The following RAB28 variants were observed in gnomAD, a reference collection of about 807,000 sequenced individuals.
RAB28 encodes RAB28, member RAS oncogene family.
Under a neutral mutation model 31.7 loss-of-function variants are expected in RAB28, and 24 were observed. That is an observed-to-expected ratio of 0.76 (90% CI 0.55 to 1.06). The LOEUF is 1.06. RAB28 is among the 50% of genes least tolerant of loss of function. The probability of loss-of-function intolerance (pLI) is 0.00; values close to 1 mark genes in which losing one functional copy is unlikely to be tolerated. For synonymous variants in RAB28, 100 were observed against 90.4 expected (o/e 1.11, Z -0.60); for missense variants, 254 against 258.5 (o/e 0.98, Z 0.12).
intron 3 of RAB28, among the ~76,000 whole-genome samples, chr4:13,472,736 C>A (rs1367441613): frequency 2.0e-5 from 3 of 151,900 alleles, no homozygotes; most frequent in Non-Finnish European, 2.9e-5. Flanking sequence ...TTATCAACCA[C>A]ATGAATGAAA....
chr4:13,467,125 T>C (rs1715892051), intron 3 of RAB28, among the ~76,000 whole-genome samples: 1 of 151,914 alleles, frequency 6.6e-6, no homozygotes, highest in Admixed American at 6.6e-5. Flanking sequence ...CAGTTAATAA[T>C]TATTATGTAT....
chr4:13,474,120 TC>T (rs1204079049), intron 3 of RAB28, 197 bp downstream of exon 3: 1 of 719,828 alleles, frequency 1.4e-6, no homozygotes, highest in African/African-American at 1.7e-5. Context: ...GTTTTCCTGT[TC>T]CCTCACCCAA....
In RAB28 at chr4:13,465,754, A is replaced by AACACACACACACAC. The variant is rs33979911; in HGVS notation, c.262-4940_262-4927dup. 3.5e-3 allele frequency among the ~76,000 whole-genome samples: 495 copies of AACACACACACACAC among 142,190 alleles called. 1 individual carries two copies. Among genetic ancestry groups the AACACACACACACAC allele is most frequent in the African/African-American group, 0.012 (458 of 38,484 alleles). 93.3% of individuals were successfully genotyped at this position (142,190 alleles called of 152,430 possible). A position where few individuals can be genotyped will look rare whatever the true frequency, so the allele number is the denominator to read the frequency against. ...AGCTCAAATAACCAAGGCAATCATG[A>AACACACACACACAC]ACACACACACACACACACACACACA... is the stretch of plus-strand genomic sequence containing the variant. On this transcript the variant is annotated intron_variant, in intron 3 of 6. Coordinates refer to ENST00000330852, the MANE Select transcript of RAB28 (RefSeq NM_001017979.3).
At chr4:13,393,165 C>G (rs181657752) in intron 4 of RAB28, among the ~76,000 whole-genome samples, 1 of 152,248 alleles carries the variant, frequency 6.6e-6, no homozygotes, top group East Asian at 1.9e-4. Flanking sequence ...CAATCTATAA[C>G]AGGAGTACAG....
intron 4 of RAB28, among the ~76,000 whole-genome samples, chr4:13,396,298 C>G (rs760727353): frequency 6.6e-6 from 1 of 152,044 alleles, no homozygotes; most frequent in African/African-American, 2.4e-5. Flanking sequence ...GTCACATTAA[C>G]TACCTCCAGG....
intron 6 of RAB28, among the ~76,000 whole-genome samples, chr4:13,373,848 T>C (rs1198204846): frequency 6.6e-6 from 1 of 152,072 alleles, no homozygotes; most frequent in Non-Finnish European, 1.5e-5. Context: ...CTCTATAGAA[T>C]AATACAAAGT....
chr4:13,368,671 G>C (rs376807978), intron 6 of RAB28, 21 bp from the exon 7 acceptor site: 9 of 1,585,162 alleles, frequency 5.7e-6, no homozygotes, highest in Non-Finnish European at 6.9e-6. Context: ...AGAAAACAGA[G>C]TTATTATCAG....
At chr4:13,379,957 T>C (rs1729062794) in intron 5 of RAB28, among the ~76,000 whole-genome samples, 1 of 151,980 alleles carries the variant, frequency 6.6e-6, no homozygotes, top group African/African-American at 2.4e-5. Flanking sequence ...TGGTTCAATA[T>C]AAGCAAACAA....
Position 13,368,556 on chromosome 4 carries a change from G to A in RAB28, c.*2C>T, listed in dbSNP as rs752316819. The A allele has an allele frequency of 1.9e-5, 31 of 1,602,258 alleles. No individual in the cohort carries two copies. The highest frequency in any genetic ancestry group is 6.8e-5 in the East Asian group (3 of 43,854). On this transcript the variant is annotated 3_prime_UTR_variant, in exon 7 of 7. Transcript: ENST00000330852. ...AACTATCAACACAAAAGAAAAATGC[G>A]CTCACTGAACTGCACACATAGAGCT... is the stretch of plus-strand genomic sequence containing the variant.
At chr4:13,414,163 T>C (rs964589142) in intron 4 of RAB28, among the ~76,000 whole-genome samples, 9 of 152,216 alleles carry the variant, frequency 5.9e-5, no homozygotes, top group Non-Finnish European at 1.2e-4. Flanking sequence ...TATTTATAGT[T>C]CATCTCTGGT....
intron 4 of RAB28, among the ~76,000 whole-genome samples, chr4:13,442,398 T>C (rs1714469358): frequency 1.3e-5 from 2 of 151,878 alleles, no homozygotes; most frequent in South Asian, 4.2e-4. Flanking sequence ...GAGATAAAAA[T>C]TCATGGCAAT....
At chr4:13,397,524 T>C (rs1027234519) in intron 4 of RAB28, among the ~76,000 whole-genome samples, 3 of 152,128 alleles carry the variant, frequency 2.0e-5, no homozygotes, top group African/African-American at 7.2e-5. Flanking sequence ...TCTATTAACA[T>C]ATATTCCTAC....
chr4:13,475,422 A>T (rs191550836), intron 2 of RAB28, among the ~76,000 whole-genome samples: 14 of 151,208 alleles, frequency 9.3e-5, no homozygotes, highest in African/African-American at 2.9e-4. Flanking sequence ...AAACTGAAAA[A>T]TGATCTCATT....
chr4:13,426,452 T>C (rs2108926882), intron 4 of RAB28, among the ~76,000 whole-genome samples: 1 of 152,312 alleles, frequency 6.6e-6, no homozygotes, highest in South Asian at 2.1e-4. Context: ...GCTATATCCA[T>C]GTCTACAGCT....
At chr4:13,383,713 T>C (rs572818375) in intron 4 of RAB28, among the ~76,000 whole-genome samples, 85 of 152,266 alleles carry the variant, frequency 5.6e-4, no homozygotes, top group African/African-American at 1.9e-3. Context: ...GTTCTCATGA[T>C]AGTAAATAAG....
chr4:13,484,059 C>T lies in RAB28; in HGVS notation c.75+17G>A. 6.3e-7 allele frequency: 1 copy of T among 1,580,444 alleles called. No homozygotes were observed. The highest frequency in any genetic ancestry group is 1.3e-5 in the African/African-American group (1 of 74,152). Reference sequence around the variant, plus strand: ...GTTCCTGCAGGCCTGGGACGGCGGGCCTGCTCGAGGACTGACCTTCCCGGA... The same window carrying T: ...GTTCCTGCAGGCCTGGGACGGCGGGTCTGCTCGAGGACTGACCTTCCCGGA... On this transcript the variant is annotated intron_variant, in intron 1 of 6. Transcript: ENST00000330852.
intron 4 of RAB28, among the ~76,000 whole-genome samples, chr4:13,398,053 G>A (rs1269349271): frequency 6.6e-6 from 1 of 151,862 alleles, no homozygotes; most frequent in Non-Finnish European, 1.5e-5. Context: ...CATCAATTAG[G>A]TTACCTAAAT....
In RAB28 at chr4:13,404,588, GAAGA is replaced by G. The variant is rs571934894; in HGVS notation, c.392-22998_392-22995del. Among the ~76,000 whole-genome samples, 19 of 152,162 alleles carry G rather than the reference GAAGA, an allele frequency of 1.2e-4. 1 individual carries two copies. The East Asian group carries it at 3.5e-3, about 28-fold the overall frequency. On this transcript the variant is annotated intron_variant, in intron 4 of 6. Coordinates refer to ENST00000330852, the MANE Select transcript of RAB28 (RefSeq NM_001017979.3). ...TACTGCATAAAAAGGAAAAAATCCT[GAAGA>G]AAGAAGGAGCTTAATTTCAAACCTA...
intron 4 of RAB28, chr4:13,459,688 A>AG (rs2108959198): frequency 2.2e-6 from 2 of 911,658 alleles, no homozygotes; most frequent in African/African-American, 3.6e-5. Flanking sequence ...TTCTCAAAAA[A>AG]AAAAAATTAT....
Sources: gnomAD v4.1 joint callset for allele counts (sites outside exome capture counted in the v4.1 genomes callset) on GRCh38, gnomAD v4.1.1 for gene constraint, MANE v1.5 for transcripts, NCBI Gene and HGNC (gene_info 2026-07-23, HGNC 2026-07-21) for gene names.